SYT2: variants seen among roughly 807,000 people sequenced by gnomAD.
SYT2 encodes synaptotagmin 2.
Under a neutral mutation model 39.9 loss-of-function variants are expected in SYT2, and 15 were observed. The observed-to-expected ratio is 0.38, with a 90% CI of 0.25 to 0.58. SYT2 has a LOEUF of 0.58. Ranked by LOEUF, SYT2 falls within the 20% of genes least tolerant of loss-of-function variation. The pLI, the probability that SYT2 is intolerant of heterozygous loss-of-function variation, is 0.70. For missense variants in SYT2, 389 were observed against 530.3 expected (o/e 0.73, Z 2.62); for synonymous variants, 181 against 204.5 (o/e 0.89, Z 0.98).
chr1:202,686,802 G>A (rs1204274311), intron 1 of SYT2, among the ~76,000 whole-genome samples: 1 of 152,022 alleles, frequency 6.6e-6, no homozygotes, highest in East Asian at 1.9e-4. Context: ...TTCCTCTCTA[G>A]CTCTTCAAAG....
chr1:202,699,174 C>T (rs942181226), intron 1 of SYT2, among the ~76,000 whole-genome samples: 5 of 152,054 alleles, frequency 3.3e-5, no homozygotes, highest in Non-Finnish European at 7.4e-5. Flanking sequence ...AAGCATGCCA[C>T]CACGTCCAGC....
chr1:202,617,609 C>T (rs903779167), intron 1 of SYT2, among the ~76,000 whole-genome samples: 1 of 152,134 alleles, frequency 6.6e-6, no homozygotes, highest in East Asian at 1.9e-4. Flanking sequence ...ATACAGTCTA[C>T]ACATCTTTCT....
At chr1:202,619,361 A>G (rs1004623088) in intron 1 of SYT2, among the ~76,000 whole-genome samples, 10 of 152,078 alleles carry the variant, frequency 6.6e-5, no homozygotes, top group South Asian at 4.1e-4. Flanking sequence ...AGCTGCCCGG[A>G]GAGGGAGGCT....
intron 1 of SYT2, among the ~76,000 whole-genome samples, chr1:202,676,967 G>T (rs976103356): frequency 9.2e-5 from 14 of 152,162 alleles, no homozygotes; most frequent in African/African-American, 3.1e-4. Context: ...GTTCTCATGA[G>T]ATCCGATTGT....
intron 1 of SYT2, among the ~76,000 whole-genome samples, chr1:202,691,732 GGAGAGA>G (rs1164044356): frequency 7.2e-4 from 6 of 8,322 alleles, no homozygotes; most frequent in East Asian, 5.0e-3. Flanking sequence ...GGAGAGGGGG[GGAGAGA>G]GAGAGAGAGA....
At chr1:202,680,292 C>G (rs1653491691) in intron 1 of SYT2, among the ~76,000 whole-genome samples, 2 of 152,218 alleles carry the variant, frequency 1.3e-5, no homozygotes, top group African/African-American at 4.8e-5. Flanking sequence ...ATACCAGTTT[C>G]TGCCCCTAGG....
At chr1:202,699,542 C>T (rs1298205815) in intron 1 of SYT2, among the ~76,000 whole-genome samples, 1 of 152,180 alleles carries the variant, frequency 6.6e-6, no homozygotes, top group Non-Finnish European at 1.5e-5. Context: ...CATTTATTTA[C>T]CTTTCTGGGA....
At chr1:202,597,683 TGAGA>T (rs138162650) in intron 8 of SYT2, among the ~76,000 whole-genome samples, 7 of 151,910 alleles carry the variant, frequency 4.6e-5, no homozygotes, top group Admixed American at 1.3e-4. Flanking sequence ...CGTGGACATT[TGAGA>T]GAGAGAGCCC....
chr1:202,642,947 CTCCGCTTT>C (rs1462083331), intron 1 of SYT2, among the ~76,000 whole-genome samples: 2 of 152,254 alleles, frequency 1.3e-5, no homozygotes, highest in Non-Finnish European at 2.9e-5. Context: ...CTCGCCTTCT[CTCCGCTTT>C]GGACCCGGGC....
rs116339842 is a variant in SYT2, at chr1:202,702,325, A to G, written c.-18+7933T>C. Among the ~76,000 whole-genome samples, 1,125 of 152,192 alleles carry G rather than the reference A, an allele frequency of 7.4e-3. 17 individuals carry two copies. The highest frequency in any genetic ancestry group is 0.026 in the African/African-American group (1,087 of 41,512). ...TTCCCAGCATCAAAGAGCTAATCCA[A>G]TTTCTCAGCTGTGCTTCCCCCTTCG... On this transcript the variant is annotated intron_variant, in intron 1 of 8. Coordinates refer to ENST00000367268, the MANE Select transcript of SYT2 (RefSeq NM_177402.5).
At position 202,605,777 on chromosome 1, in the gene SYT2, G is replaced by A. The variant is rs372957975; in HGVS notation, c.-5C>T. The A allele has an allele frequency of 1.1e-4, 178 of 1,613,478 alleles. No homozygotes were observed. Among genetic ancestry groups the A allele is most frequent in the Non-Finnish European group, 1.5e-4 (173 of 1,179,588 alleles). On this transcript the variant is annotated 5_prime_UTR_variant, in exon 2 of 9. Transcript: ENST00000367268. Reference sequence around the variant, plus strand: ...CCTCTTGAAAATGTTCCTCATGGTGGCAGAGGAAACAGCTGGGGACGAGAG... The same window carrying A: ...CCTCTTGAAAATGTTCCTCATGGTGACAGAGGAAACAGCTGGGGACGAGAG...
intron 1 of SYT2, among the ~76,000 whole-genome samples, chr1:202,626,398 CTTTTTTT>C (rs58802666): frequency 1.4e-5 from 1 of 72,432 alleles, no homozygotes; most frequent in African/African-American, 4.8e-5. Context: ...AGCCTCTCAG[CTTTTTTT>C]TTTTTTTTTT....
At position 202,595,559 on chromosome 1, in the gene SYT2, C is replaced by T. The variant is rs1221170167; in HGVS notation, c.*1198G>A. The T allele has an allele frequency of 9.9e-5, 15 of 152,282 alleles. No individual in the cohort carries two copies. The highest frequency in any genetic ancestry group is 9.8e-4 in the Admixed American group (15 of 15,288). The allele number at this position is 152,282 out of a possible 1,614,324, so 9.4% of individuals were successfully genotyped here. A position where few individuals can be genotyped will look rare whatever the true frequency, so the allele number is the denominator to read the frequency against. On this transcript the variant is annotated 3_prime_UTR_variant, in exon 9 of 9. Coordinates refer to ENST00000367268, the MANE Select transcript of SYT2 (RefSeq NM_177402.5). ...TCAGCCATCTGTCCCCCATCCTCTT[C>T]TTACCACCCCCTTCTTACCTGGACC...
intron 1 of SYT2, among the ~76,000 whole-genome samples, chr1:202,618,400 A>AGAGTGTGTGTGT (rs373647353): frequency 2.0e-5 from 3 of 148,872 alleles, no homozygotes; most frequent in South Asian, 2.1e-4. Flanking sequence ...GTCTGGTGTG[A>AGAGTGTGTGTGT]GTGTGTGTGT....
At chr1:202,612,622 T>C (rs1200871788) in intron 1 of SYT2, among the ~76,000 whole-genome samples, 2 of 152,194 alleles carry the variant, frequency 1.3e-5, no homozygotes, top group Non-Finnish European at 2.9e-5. Flanking sequence ...CTGCCTTGGC[T>C]TCCCAAAGTG....
At chr1:202,604,818 CTTTTTTTTT>C (rs59944538) in intron 2 of SYT2, among the ~76,000 whole-genome samples, 197 bp from the exon 3 acceptor site, 6 of 71,666 alleles carry the variant, frequency 8.4e-5, no homozygotes, top group Admixed American at 2.1e-4. Context: ...TCATGCCTTG[CTTTTTTTTT>C]TTTTTTTTTT....
At chr1:202,666,983 A>C (rs1423047938) in intron 1 of SYT2, among the ~76,000 whole-genome samples, 1 of 152,224 alleles carries the variant, frequency 6.6e-6, no homozygotes, top group African/African-American at 2.4e-5. Flanking sequence ...CTCTGTCTCA[A>C]AAAAACAAAA....
At chr1:202,645,215 C>CG (rs1692055891) in intron 1 of SYT2, among the ~76,000 whole-genome samples, 1 of 152,192 alleles carries the variant, frequency 6.6e-6, no homozygotes, top group East Asian at 1.9e-4. Flanking sequence ...GGTTTCCCCC[C>CG]ACTCTGCTAC....
intron 3 of SYT2, 90 bp from the exon 4 acceptor site, chr1:202,603,208 T>C (rs1225100496): frequency 3.9e-6 from 6 of 1,528,764 alleles, no homozygotes; most frequent in Non-Finnish European, 5.3e-6. Context: ...CCAGCCCCTC[T>C]GTGGTAGACC....
Sources: gnomAD v4.1 joint callset for allele counts (sites outside exome capture counted in the v4.1 genomes callset) on GRCh38, gnomAD v4.1.1 for gene constraint, MANE v1.5 for transcripts, NCBI Gene and HGNC (gene_info 2026-07-23, HGNC 2026-07-21) for gene names.